The following NRG1 variants were observed in gnomAD, a reference collection of about 807,000 sequenced individuals.
NRG1 encodes the protein neuregulin 1.
Under a neutral mutation model 63.8 loss-of-function variants are expected in NRG1, and 18 were observed. The observed-to-expected ratio is 0.28, with a 90% confidence interval of 0.19 to 0.42. The LOEUF (loss-of-function observed/expected upper bound fraction) is 0.42. Among genes scored for constraint, NRG1 ranks in the 10% least tolerant of loss-of-function variants. NRG1 has a pLI of 1.00. For missense variants in NRG1, 762 were observed against 814.7 expected (o/e 0.94, Z 0.79); for synonymous variants, 302 against 301.3 (o/e 1.00, Z -0.02).
intron 1 of NRG1, among the ~76,000 whole-genome samples, chr8:31,860,193 A>G (rs1244632133): frequency 6.6e-6 from 1 of 152,236 alleles, no homozygotes; most frequent in Non-Finnish European, 1.5e-5. Flanking sequence ...TTTGTGATAT[A>G]GTCTCCAAAT....
rs1456995271 is a variant in NRG1 at position 31,839,114 on chromosome 8, A to T, written c.37+199683A>T. Among the ~76,000 whole-genome samples the T allele has an allele frequency of 2.6e-5, 4 of 152,204 alleles. No individual in the cohort carries two copies. In the South Asian group the frequency reaches 6.2e-4, roughly 24 times the overall value. On this transcript the variant is annotated intron_variant, in intron 1 of 10. Coordinates refer to the NRG1 transcript ENST00000519301. The stretch of plus-strand genomic sequence containing the variant: ...TTTAAACATCTATGATAATAATTTG[A>T]GGTCTCCATAGGTTTATTAATATCA...
chr8:32,534,250 T>G (rs1383348508), intron 1 of NRG1, among the ~76,000 whole-genome samples: 2 of 152,098 alleles, frequency 1.3e-5, no homozygotes, highest in African/African-American at 4.8e-5. Context: ...ATCCATGCCT[T>G]GAAAAGTAAA....
intron 5 of NRG1, among the ~76,000 whole-genome samples, chr8:32,702,208 G>A (rs1158123684): frequency 1.3e-5 from 2 of 152,202 alleles, no homozygotes; most frequent in Non-Finnish European, 2.9e-5. Flanking sequence ...TTAAGGCATT[G>A]ATTGGAGACT....
chr8:31,704,390 G>A (rs1810917366), intron 1 of NRG1, among the ~76,000 whole-genome samples: 2 of 152,260 alleles, frequency 1.3e-5, no homozygotes, highest in East Asian at 1.9e-4. Flanking sequence ...GACAGTTAAG[G>A]TATTAAGGAC....
chr8:32,286,701 T>C (rs1476878420), intron 1 of NRG1, among the ~76,000 whole-genome samples: 3 of 152,108 alleles, frequency 2.0e-5, no homozygotes, highest in South Asian at 2.1e-4. Context: ...CCTTCCACCA[T>C]GAGTAGAAGT....
intron 1 of NRG1, among the ~76,000 whole-genome samples, chr8:32,282,869 T>C (rs1853042545): frequency 6.6e-6 from 1 of 152,178 alleles, no homozygotes; most frequent in Non-Finnish European, 1.5e-5. Flanking sequence ...TATCCATTGT[T>C]TTAGAAAAGG....
chr8:31,680,120 A>G (rs1808160944), intron 1 of NRG1, among the ~76,000 whole-genome samples: 1 of 151,984 alleles, frequency 6.6e-6, no homozygotes, highest in Admixed American at 6.6e-5. Context: ...TGATTCTCCT[A>G]AAATTGTTTA....
chr8:31,657,612 T>C (rs1805557723), intron 1 of NRG1, among the ~76,000 whole-genome samples: 1 of 152,212 alleles, frequency 6.6e-6, no homozygotes, highest in South Asian at 2.1e-4. Context: ...GAATTGTTTT[T>C]TTCAACTAAT....
exon 12 of NRG1, chr8:32,764,753 G>A (rs1831288825): frequency 1.2e-5 from 2 of 170,300 alleles, no homozygotes; most frequent in South Asian, 3.0e-4. Context: ...TTGACTGGAT[G>A]TATGATTTGC....
intron 1 of NRG1, among the ~76,000 whole-genome samples, chr8:32,320,293 A>T (rs2129476691): frequency 6.6e-6 from 1 of 152,162 alleles, no homozygotes; most frequent in South Asian, 2.1e-4. Flanking sequence ...ATTACTAGGA[A>T]TTTTTTACTG....
At chr8:31,787,202 A>G (rs1820258706) in intron 1 of NRG1, among the ~76,000 whole-genome samples, 1 of 152,188 alleles carries the variant, frequency 6.6e-6, no homozygotes, top group African/African-American at 2.4e-5. Context: ...TTATAATACG[A>G]ATTTTTTTAT....
At chr8:32,447,686 T>C (rs1356393410) in intron 1 of NRG1, among the ~76,000 whole-genome samples, 2 of 151,990 alleles carry the variant, frequency 1.3e-5, no homozygotes, top group Non-Finnish European at 2.9e-5. Flanking sequence ...ATAGGCAACA[T>C]AGTGAGACCC....
At chr8:32,559,950 G>A (rs1266651549) in intron 1 of NRG1, among the ~76,000 whole-genome samples, 1 of 152,100 alleles carries the variant, frequency 6.6e-6, no homozygotes, top group Non-Finnish European at 1.5e-5. Flanking sequence ...TGAGCTCTCA[G>A]AGGTTGCAGT....
chr8:31,660,430 A>T (rs1293787023), intron 1 of NRG1, among the ~76,000 whole-genome samples: 1 of 152,202 alleles, frequency 6.6e-6, no homozygotes, highest in Non-Finnish European at 1.5e-5. Flanking sequence ...GGTATATAGA[A>T]TTGTTTCATT....
At chr8:32,690,503 T>C (rs984033747) in intron 5 of NRG1, among the ~76,000 whole-genome samples, 3 of 152,198 alleles carry the variant, frequency 2.0e-5, no homozygotes, top group African/African-American at 7.2e-5. Flanking sequence ...AAGTACCTCC[T>C]GCTGCATTCA....
chr8:31,890,023 G>T (rs1223434516), intron 1 of NRG1, among the ~76,000 whole-genome samples: 2 of 152,192 alleles, frequency 1.3e-5, no homozygotes, highest in African/African-American at 4.8e-5. Context: ...AACATTTTGG[G>T]CAAGATACTC....
At chr8:32,308,228 T>C (rs552093914) in intron 1 of NRG1, among the ~76,000 whole-genome samples, 1 of 152,338 alleles carries the variant, frequency 6.6e-6, no homozygotes, top group South Asian at 2.1e-4. Flanking sequence ...AATCCTTCGC[T>C]TTCCAAGACT....
intron 1 of NRG1, among the ~76,000 whole-genome samples, chr8:31,890,094 T>C (rs535996433): frequency 3.9e-5 from 6 of 152,182 alleles, no homozygotes; most frequent in Non-Finnish European, 8.8e-5. Context: ...CTGGTCTCTA[T>C]CCAATTGATG....
intron 1 of NRG1, among the ~76,000 whole-genome samples, chr8:31,891,662 T>C (rs1831155052): frequency 6.6e-6 from 1 of 152,186 alleles, no homozygotes; most frequent in Non-Finnish European, 1.5e-5. Context: ...TGAAAACTTG[T>C]GTTCACATAG....
Sources: allele counts gnomAD v4.1 joint callset (sites outside exome capture counted in the v4.1 genomes callset), GRCh38; gene constraint gnomAD v4.1.1; transcripts MANE v1.5; gene names NCBI Gene and HGNC (gene_info 2026-07-23, HGNC 2026-07-21).